PLAC9: variants seen among roughly 807,000 people sequenced by gnomAD.
PLAC9 encodes placenta-specific protein 9.
Under a neutral mutation model 11.5 loss-of-function variants are expected in PLAC9, and 12 were observed. That is an observed-to-expected ratio of 1.05 (90% CI 0.67 to 1.69). PLAC9 has a LOEUF of 1.69. Ranked by LOEUF, PLAC9 falls within the 40% of genes most tolerant of loss-of-function variation. The pLI is 0.00. For missense variants in PLAC9, 132 were observed against 130.5 expected, an observed-to-expected ratio of 1.01 and a Z score of -0.06; for synonymous variants, 62 against 58.1, an observed-to-expected ratio of 1.07 and a Z score of -0.31.
intron 2 of PLAC9, 127 bp downstream of exon 2, chr10:80,142,306 C>G: frequency 1.4e-6 from 1 of 691,560 alleles, no homozygotes; most frequent in Non-Finnish European, 2.3e-6. Flanking sequence ...GTGGCCACCT[C>G]GTCCAACATC....
Position 80,138,527 on chromosome 10 carries a change from A to AT in PLAC9, c.65-3551dup, listed in dbSNP as rs113763348. Among the ~76,000 whole-genome samples the AT allele has an allele frequency of 1.4e-3, 211 of 152,306 alleles. 4 individuals carry two copies. The highest frequency in any genetic ancestry group is 4.7e-3 in the African/African-American group (194 of 41,574). ...CAAAAGATGCTCAGAGTGGAAGGAC[A>AT]TTTTGTCTCTGGTCCTGTTCTCATC... is the stretch of plus-strand genomic sequence containing the variant. On this transcript the variant is annotated intron_variant, in intron 1 of 3. Transcript: ENST00000372263.
intron 1 of PLAC9, among the ~76,000 whole-genome samples, chr10:80,135,578 A>G (rs1255122083): frequency 6.6e-6 from 1 of 151,624 alleles, no homozygotes; most frequent in Non-Finnish European, 1.5e-5. Flanking sequence ...ACATCAAGTG[A>G]TCAGCCTGCC....
intron 1 of PLAC9, among the ~76,000 whole-genome samples, chr10:80,141,647 T>C (rs1278614260): frequency 2.6e-5 from 4 of 151,860 alleles, no homozygotes; most frequent in Admixed American, 6.6e-5. Context: ...TCAGAACTGG[T>C]TTATTAAAGC....
At chr10:80,141,391 G>A (rs948164334) in intron 1 of PLAC9, among the ~76,000 whole-genome samples, 8 of 152,108 alleles carry the variant, frequency 5.3e-5, no homozygotes, top group African/African-American at 1.7e-4. Context: ...CTGAGGTCAG[G>A]AGTTTGAGAC....
In PLAC9 at chr10:80,132,838, G is replaced by T; in HGVS notation, c.64+12G>T. 4.0e-6 allele frequency: 6 copies of T among 1,484,420 alleles called. No homozygotes were observed. The highest frequency in any genetic ancestry group is 5.3e-6 in the Non-Finnish European group (6 of 1,124,876). 92.0% of individuals were successfully genotyped at this position (1,484,420 alleles called of 1,614,324 possible). A position where few individuals can be genotyped will look rare whatever the true frequency, so the allele number is the denominator to read the frequency against. ...GGGCTCTTTGGCCGGTGAGTGGGGC[G>T]CAGGGCGCGGCAGGGGACCTGGAGC... On this transcript the variant is annotated intron_variant, in intron 1 of 3. Coordinates refer to ENST00000372263, the MANE Select transcript of PLAC9 (RefSeq NM_001012973.3).
chr10:80,138,974 C>T (rs191659823), intron 1 of PLAC9, among the ~76,000 whole-genome samples: 14 of 124,250 alleles, frequency 1.1e-4, no homozygotes, highest in East Asian at 2.1e-4. Context: ...TTTTTTGAGA[C>T]GGAGTCTAGC....
At chr10:80,135,520 G>T (rs1381181508) in intron 1 of PLAC9, among the ~76,000 whole-genome samples, 1 of 151,170 alleles carries the variant, frequency 6.6e-6, no homozygotes, top group Non-Finnish European at 1.5e-5. Flanking sequence ...AGAGACGGGG[G>T]CTGCGGGGGA....
chr10:80,137,502 C>T (rs1437900580), intron 1 of PLAC9, among the ~76,000 whole-genome samples: 1 of 152,196 alleles, frequency 6.6e-6, no homozygotes, highest in African/African-American at 2.4e-5. Context: ...TATCCACAGA[C>T]TCATGACAAC....
chr10:80,144,528 C>A (rs1783562072), intron 3 of PLAC9, among the ~76,000 whole-genome samples, 185 bp downstream of exon 3: 1 of 151,628 alleles, frequency 6.6e-6, no homozygotes, highest in Admixed American at 6.6e-5. Context: ...CCCCACCTGC[C>A]ACACCCGGTG....
Position 80,142,179 on chromosome 10 carries a change from G to A in PLAC9, c.162G>A (p.Glu54=). The A allele has an allele frequency of 6.2e-7, 1 of 1,601,986 alleles. No individual in the cohort carries two copies. Among genetic ancestry groups the A allele is most frequent in the Non-Finnish European group, 8.5e-7 (1 of 1,170,554 alleles). ...AVQRRLDVME[E]MVEKTVDHLG... ...AACGCCGTCTAGATGTCATGGAGGA[G>A]GTAACAGGGTGGTTTGGAAGGACAT... Residue 54 remains glutamate (E), a splice_region_variant and synonymous_variant, in exon 2 of 4, where the codon GAG becomes GAA. Transcript: ENST00000372263.
intron 1 of PLAC9, among the ~76,000 whole-genome samples, chr10:80,134,087 C>CA (rs556770627): frequency 6.6e-6 from 1 of 151,536 alleles, no homozygotes; most frequent in African/African-American, 2.4e-5. Flanking sequence ...CTTTTGGATA[C>CA]AAAAAAATAC....
intron 1 of PLAC9, among the ~76,000 whole-genome samples, chr10:80,135,872 G>T (rs745538983): frequency 6.6e-6 from 1 of 152,096 alleles, no homozygotes; most frequent in Non-Finnish European, 1.5e-5. Flanking sequence ...GTTGAATGTG[G>T]TCAAATATAA....
intron 2 of PLAC9, chr10:80,143,945 C>T (rs111833133): frequency 6.9e-4 from 299 of 434,496 alleles, no homozygotes; most frequent in African/African-American, 5.5e-3. Flanking sequence ...GCTGCAAAGT[C>T]CAAAAGGGAG....
At chr10:80,137,368 A>T (rs1844990927) in intron 1 of PLAC9, among the ~76,000 whole-genome samples, 1 of 152,336 alleles carries the variant, frequency 6.6e-6, no homozygotes, top group African/African-American at 2.4e-5. Context: ...TGGCAGGGTC[A>T]CACTGCATCC....
chr10:80,136,568 C>T (rs1844977517), intron 1 of PLAC9, among the ~76,000 whole-genome samples: 1 of 152,166 alleles, frequency 6.6e-6, no homozygotes, highest in Non-Finnish European at 1.5e-5. Context: ...AACTCCTGGG[C>T]TCAAGCGATT....
rs111476710 is a variant in PLAC9, at chr10:80,142,171, A to T, written c.154A>T (p.Met52Leu). 1.6e-5 allele frequency: 25 copies of T among 1,604,926 alleles called. No homozygotes were observed. Among genetic ancestry groups the T allele is most frequent in the African/African-American group, 1.2e-4 (9 of 74,908 alleles). The change falls in exon 2 of 4, where the codon ATG (methionine) becomes TTG (leucine). Residue 52 changes from methionine (M) to leucine (L), a missense_variant. By Grantham distance (15) the Met-to-Leu change is conservative. Transcript: ENST00000372263. ...HMAVQRRLDV[M>L]EEMVEKTVDH... ...GGCTGTGCAACGCCGTCTAGATGTC[A>T]TGGAGGAGGTAACAGGGTGGTTTGG...
Position 80,132,779 on chromosome 10 carries a change from G to C in PLAC9, c.17G>C (p.Cys6Ser), listed in dbSNP as rs2132330809. The change falls in exon 1 of 4, where the codon TGC becomes TCC. Residue 6 changes from cysteine to serine, a missense_variant. Transcript: ENST00000372263. Reference protein sequence around the residue: MRPLLCALTGLALLRA... With the variant: MRPLLSALTGLALLRA... Reference sequence around the variant, plus strand: ...GCCGGCACCATGCGGCCCCTGCTCTGCGCGCTGACCGGACTGGCCCTGCTC... The same window carrying C: ...GCCGGCACCATGCGGCCCCTGCTCTCCGCGCTGACCGGACTGGCCCTGCTC... 1 of 1,495,408 alleles carries C rather than the reference G, an allele frequency of 6.7e-7. No homozygotes were observed. Among genetic ancestry groups the C allele is most frequent in the East Asian group, 2.8e-5 (1 of 35,792 alleles). The allele number at this position is 1,495,408 out of a possible 1,614,324, so 92.6% of individuals were successfully genotyped here.
chr10:80,141,828 G>A (rs1413198539), intron 1 of PLAC9, among the ~76,000 whole-genome samples: 1 of 152,034 alleles, frequency 6.6e-6, no homozygotes, highest in Non-Finnish European at 1.5e-5. Context: ...CTGCCTGGCT[G>A]AAGCCCATCC....
At chr10:80,143,441 A>T (rs912537496) in intron 2 of PLAC9, among the ~76,000 whole-genome samples, 16 of 120,228 alleles carry the variant, frequency 1.3e-4, no homozygotes, top group African/African-American at 5.3e-4. Context: ...TCTGTCACCC[A>T]GGCTGGAGTG....
Sources: gnomAD v4.1 joint callset for allele counts (sites outside exome capture counted in the v4.1 genomes callset) on GRCh38, gnomAD v4.1.1 for gene constraint, MANE v1.5 for transcripts, NCBI Gene and HGNC (gene_info 2026-07-23, HGNC 2026-07-21) for gene names.